TMEM74: variants seen among roughly 807,000 people sequenced by gnomAD.
TMEM74 encodes transmembrane protein 74.
TMEM74 carries 13 observed loss-of-function variants against 18.1 expected under a neutral mutation model. The ratio of observed to expected loss-of-function variants is 0.72; its 90% CI spans 0.47 to 1.14. The LOEUF is 1.14. Ranked by LOEUF, TMEM74 falls within the 50% of genes most tolerant of loss-of-function variation. The pLI, the probability that TMEM74 is intolerant of heterozygous loss-of-function variation, is 0.00. For missense variants in TMEM74, 372 were observed against 375.9 expected, an observed-to-expected ratio of 0.99 and a Z score of 0.09; for synonymous variants, 159 against 146.6, an observed-to-expected ratio of 1.08 and a Z score of -0.61.
intron 1 of TMEM74, among the ~76,000 whole-genome samples, chr8:108,749,867 T>C (rs1342391895): frequency 6.6e-6 from 1 of 152,126 alleles, no homozygotes; most frequent in Non-Finnish European, 1.5e-5. Context: ...TAACCACAGA[T>C]ACCTATATTC....
intron 1 of TMEM74, among the ~76,000 whole-genome samples, chr8:108,743,333 T>C (rs985070938): frequency 2.6e-5 from 4 of 152,188 alleles, no homozygotes; most frequent in East Asian, 3.9e-4. Flanking sequence ...CAACTCTCTC[T>C]TTTGTATAAT....
chr8:108,703,953 C>T (rs1833881951), intron 1 of TMEM74, among the ~76,000 whole-genome samples: 1 of 152,204 alleles, frequency 6.6e-6, no homozygotes, highest in South Asian at 2.1e-4. Flanking sequence ...AGAAGTAAAA[C>T]TTTTCCTTGG....
intron 2 of TMEM74, among the ~76,000 whole-genome samples, chr8:108,625,517 C>G (rs1323504570): frequency 1.3e-5 from 2 of 151,952 alleles, no homozygotes; most frequent in Non-Finnish European, 2.9e-5. Context: ...TTGGACCGTT[C>G]TAGATTTTCT....
At chr8:108,734,584 C>T (rs375419291) in intron 1 of TMEM74, among the ~76,000 whole-genome samples, 1 of 152,150 alleles carries the variant, frequency 6.6e-6, no homozygotes, top group Non-Finnish European at 1.5e-5. Context: ...TTCTCCTCCT[C>T]CCCACTACTT....
intron 1 of TMEM74, among the ~76,000 whole-genome samples, chr8:108,689,333 G>A (rs1421477012): frequency 1.3e-5 from 2 of 152,268 alleles, no homozygotes; most frequent in Middle Eastern, 3.4e-3. Flanking sequence ...AGAGGCCAAG[G>A]TTACTTTATT....
downstream of TMEM74, among the ~76,000 whole-genome samples, chr8:108,777,616 G>C (rs866505641): frequency 1.3e-5 from 2 of 152,094 alleles, no homozygotes; most frequent in South Asian, 4.1e-4. Context: ...AAATAAAACA[G>C]CCAGTATAAA....
intron 1 of TMEM74, among the ~76,000 whole-genome samples, chr8:108,682,807 A>G (rs1352943514): frequency 6.6e-6 from 1 of 152,020 alleles, no homozygotes; most frequent in Non-Finnish European, 1.5e-5. Context: ...TTAAGCACAC[A>G]CTATGGACCA....
Position 108,765,407 on chromosome 8 carries a change from C to CTTTTTTTTTTTTTTTTTTTT in TMEM74, n.119+22068_119+22069insAAAAAAAAAAAAAAAAAAAA, listed in dbSNP as rs61334796. ...CTAAGGTCTTAGCAGTTTGGAACTA[C>CTTTTTTTTTTTTTTTTTTTT]TTTTTTTTTTTTTTTTTTAGATGGA... On this transcript the variant is annotated intron_variant and non_coding_transcript_variant, in intron 1 of 3. Coordinates refer to the TMEM74 transcript ENST00000518838. 2.6e-4 allele frequency among the ~76,000 whole-genome samples: 31 copies of CTTTTTTTTTTTTTTTTTTTT among 120,708 alleles called. 2 individuals carry two copies. Among genetic ancestry groups the CTTTTTTTTTTTTTTTTTTTT allele is most frequent in the African/African-American group, 9.4e-4 (30 of 31,866 alleles). The allele number at this position is 120,708 out of a possible 152,430, so 79.2% of individuals were successfully genotyped here.
At chr8:108,697,375 AT>A (rs1813290443) in intron 1 of TMEM74, among the ~76,000 whole-genome samples, 1 of 152,142 alleles carries the variant, frequency 6.6e-6, no homozygotes, top group African/African-American at 2.4e-5. Context: ...TGACAGGCAA[AT>A]GGGTTCTGAT....
intron 2 of TMEM74, among the ~76,000 whole-genome samples, chr8:108,632,078 A>G (rs1316471754): frequency 6.6e-6 from 1 of 152,016 alleles, no homozygotes; most frequent in Non-Finnish European, 1.5e-5. Flanking sequence ...GTAGAGATTA[A>G]TAGTTACAGA....
chr8:108,705,224 C>T (rs1049255117), intron 1 of TMEM74, among the ~76,000 whole-genome samples: 16 of 152,072 alleles, frequency 1.1e-4, no homozygotes, highest in Non-Finnish European at 2.4e-4. Context: ...AAAAAGACAA[C>T]ATAAAACTGG....
intron 1 of TMEM74, among the ~76,000 whole-genome samples, chr8:108,744,355 A>C (rs3019361): frequency 3.3e-5 from 5 of 151,898 alleles, no homozygotes; most frequent in Admixed American, 6.6e-5. Flanking sequence ...CTCAATCATC[A>C]AGGTTTATTA....
At chr8:108,669,177 G>A (rs762012262) in intron 1 of TMEM74, among the ~76,000 whole-genome samples, 1 of 152,030 alleles carries the variant, frequency 6.6e-6, no homozygotes, top group African/African-American at 2.4e-5. Context: ...CGTTTTTCAG[G>A]TTATGTTTCA....
intron 2 of TMEM74, among the ~76,000 whole-genome samples, chr8:108,632,805 A>G (rs1370340748): frequency 1.3e-5 from 2 of 151,998 alleles, no homozygotes; most frequent in African/African-American, 4.8e-5. Context: ...GGAGTCTCTG[A>G]ACCTTAATTT....
In TMEM74 at chr8:108,784,070, G is replaced by C; in HGVS notation, c.*111C>G. On this transcript the variant is annotated 3_prime_UTR_variant, in exon 2 of 2. Transcript: ENST00000297459. ...AAACACTTACTGGCTGTTGGTTTGT[G>C]AAATAAACTTTTCTTGCCAGGCAAA... The C allele has an allele frequency of 1.0e-6, 1 of 969,694 alleles. No homozygotes were observed. Among genetic ancestry groups the C allele is most frequent in the Non-Finnish European group, 1.5e-6 (1 of 665,888 alleles). The allele number at this position is 969,694 out of a possible 1,614,324, so 60.1% of individuals were successfully genotyped here.
At chr8:108,724,521 C>A (rs1184928633) in intron 1 of TMEM74, among the ~76,000 whole-genome samples, 1 of 152,072 alleles carries the variant, frequency 6.6e-6, no homozygotes, top group Non-Finnish European at 1.5e-5. Flanking sequence ...AATTAAAGTA[C>A]ATAAAGAACA....
chr8:108,607,630 G>A (rs112798619), exon 4 of TMEM74: 5 of 152,236 alleles, frequency 3.3e-5, no homozygotes, highest in African/African-American at 1.2e-4. Context: ...ACCCACCATG[G>A]TATTCTGTCC....
intron 2 of TMEM74, chr8:108,652,754 A>T: frequency 1.9e-6 from 1 of 526,612 alleles, no homozygotes; most frequent in Non-Finnish European, 3.6e-6. Context: ...ACAAACACTC[A>T]GGACAAAGGC....
intron 1 of TMEM74, among the ~76,000 whole-genome samples, chr8:108,767,575 A>G (rs1253585150): frequency 6.6e-6 from 1 of 152,132 alleles, no homozygotes; most frequent in African/African-American, 2.4e-5. Flanking sequence ...TCTCCATAGA[A>G]TTTTGTGTCA....
Sources: allele counts gnomAD v4.1 joint callset (sites outside exome capture counted in the v4.1 genomes callset), GRCh38; gene constraint gnomAD v4.1.1; transcripts MANE v1.5; gene names NCBI Gene and HGNC (gene_info 2026-07-23, HGNC 2026-07-21).